The following PPP2R3C variants were observed in gnomAD, a reference collection of about 807,000 sequenced individuals.
PPP2R3C encodes protein phosphatase 2 regulatory subunit B''gamma.
PPP2R3C carries 47 observed loss-of-function variants against 63.7 expected under a neutral mutation model. The observed-to-expected ratio is 0.74, with a 90% CI of 0.58 to 0.94. The LOEUF is 0.94. PPP2R3C is among the 40% of genes least tolerant of loss of function. The pLI, the probability that PPP2R3C is intolerant of heterozygous loss-of-function variation, is 0.00. For missense variants in PPP2R3C, 421 were observed against 518.4 expected (o/e 0.81, Z 1.82); for synonymous variants, 180 against 177.4 (o/e 1.01, Z -0.12).
At chr14:35,121,797 G>C in intron 1 of PPP2R3C, 105 bp downstream of exon 1, 1 of 1,303,980 alleles carries the variant, frequency 7.7e-7, no homozygotes, top group South Asian at 1.2e-5. Context: ...AGGTTTCACA[G>C]AAGCGGAAAA....
chr14:35,088,474 C>T (rs138958215), intron 11 of PPP2R3C, among the ~76,000 whole-genome samples: 70 of 152,262 alleles, frequency 4.6e-4, no homozygotes, highest in Non-Finnish European at 8.7e-4. Flanking sequence ...AGGTAGACCT[C>T]CCAAAACTCT....
chr14:35,110,070 CT>C, intron 3 of PPP2R3C, 139 bp from the exon 4 acceptor site: 1 of 601,366 alleles, frequency 1.7e-6, no homozygotes. Flanking sequence ...CCCTATTATC[CT>C]TTTGATTACT....
At chr14:35,091,884 C>A (rs1224559250) in intron 10 of PPP2R3C, among the ~76,000 whole-genome samples, 2 of 151,814 alleles carry the variant, frequency 1.3e-5, no homozygotes, top group Non-Finnish European at 2.9e-5. Flanking sequence ...CTATGCCCAG[C>A]TAATTTTTAT....
At chr14:35,116,583 C>T (rs1466807699) in intron 2 of PPP2R3C, 27 bp downstream of exon 2, 5 of 1,534,240 alleles carry the variant, frequency 3.3e-6, no homozygotes, top group Non-Finnish European at 4.4e-6. Flanking sequence ...TTAAACTCTG[C>T]AGGACATTTG....
Position 35,095,110 on chromosome 14 carries a change from T to TA in PPP2R3C, c.912dup (p.Thr305TyrfsTer18). 6.2e-7 allele frequency: 1 copy of TA among 1,610,094 alleles called. No individual in the cohort carries two copies. Among genetic ancestry groups the TA allele is most frequent in the East Asian group, 2.2e-5 (1 of 44,876 alleles). On this transcript the variant is annotated frameshift_variant, in exon 10 of 13. Coordinates refer to ENST00000261475, the MANE Select transcript of PPP2R3C (RefSeq NM_017917.4). LOFTEE classifies it high-confidence loss of function. ...CGGTCTAAGAAGACATTGGTCATGG[T>TA]AGCTGTTCCATAGCGTGAGAGTTCT...
intron 10 of PPP2R3C, among the ~76,000 whole-genome samples, chr14:35,093,178 A>C (rs1328941482): frequency 6.6e-6 from 1 of 152,006 alleles, no homozygotes; most frequent in Non-Finnish European, 1.5e-5. Context: ...GCGCCACTGC[A>C]CTCCAGCCTG....
intron 10 of PPP2R3C, 93 bp downstream of exon 10, chr14:35,094,955 A>G: frequency 1.5e-6 from 2 of 1,345,834 alleles, no homozygotes; most frequent in Non-Finnish European, 2.0e-6. Context: ...CTCTGTCTCA[A>G]AAAAAAAAGG....
At chr14:35,092,863 T>A (rs1457761166) in intron 10 of PPP2R3C, among the ~76,000 whole-genome samples, 1 of 152,166 alleles carries the variant, frequency 6.6e-6, no homozygotes, top group African/African-American at 2.4e-5. Context: ...CCAGACATTT[T>A]ACAGTGAGCT....
At chr14:35,098,201 C>T (rs1442866495) in intron 7 of PPP2R3C, among the ~76,000 whole-genome samples, 3 of 137,860 alleles carry the variant, frequency 2.2e-5, no homozygotes, top group Admixed American at 7.6e-5. Flanking sequence ...TTTTTTTGGA[C>T]ACAAGGTCTG....
At chr14:35,099,475 C>A in intron 6 of PPP2R3C, 91 bp from the exon 7 acceptor site, 1 of 1,362,720 alleles carries the variant, frequency 7.3e-7, no homozygotes, top group Admixed American at 3.2e-5. Flanking sequence ...AGCATTAATA[C>A]TATATTGATA....
intron 10 of PPP2R3C, among the ~76,000 whole-genome samples, chr14:35,093,302 CACTT>C (rs2045889958): frequency 6.6e-6 from 1 of 151,920 alleles, no homozygotes; most frequent in Non-Finnish European, 1.5e-5. Context: ...GGGAGGTTCT[CACTT>C]AGATAAAAAT....
chr14:35,105,560 T>C (rs1284844415), intron 6 of PPP2R3C, among the ~76,000 whole-genome samples: 2 of 152,082 alleles, frequency 1.3e-5, no homozygotes, highest in East Asian at 3.8e-4. Context: ...TAAACATTTG[T>C]TTAGTAACAC....
chr14:35,092,657 G>C (rs1283491639), intron 10 of PPP2R3C, among the ~76,000 whole-genome samples: 2 of 151,926 alleles, frequency 1.3e-5, no homozygotes, highest in South Asian at 4.2e-4. Context: ...GTAGAGAAGC[G>C]GTTTCTCCAA....
At chr14:35,107,589 C>A (rs1317089099) in intron 5 of PPP2R3C, 6 of 514,992 alleles carry the variant, frequency 1.2e-5, no homozygotes, top group South Asian at 2.8e-5. Context: ...CTTGAAGATA[C>A]TGTTCTTTAC....
intron 6 of PPP2R3C, chr14:35,106,451 C>G (rs1017870178): frequency 1.3e-5 from 2 of 153,960 alleles, no homozygotes; most frequent in African/African-American, 4.8e-5. Context: ...AAGCGATTCT[C>G]CCACCTCAGC....
chr14:35,087,974 G>T lies in PPP2R3C; in HGVS notation c.1150C>A (p.Pro384Thr), dbSNP rs2045664014. 8 of 1,598,956 alleles carry T rather than the reference G, an allele frequency of 5.0e-6. No homozygotes were observed. The highest frequency in any genetic ancestry group is 6.9e-6 in the Non-Finnish European group (8 of 1,166,436). The part of the protein sequence containing the change: ...QELMKIHGQD[P>T]VSFQDVKDEI... Reference sequence around the variant, plus strand: ...ACCTTGACATCTTGAAATGAAACAGGATCTTGTCCATGGATTTTCATTAGT... The same window carrying T: ...ACCTTGACATCTTGAAATGAAACAGTATCTTGTCCATGGATTTTCATTAGT... The change falls in exon 12 of 13, where the codon CCT (proline) becomes ACT (threonine). Residue 384 changes from proline to threonine, a missense_variant. This residue lies in a region of PPP2R3C where 231 missense variants were observed against 264.8 expected (regional missense o/e 0.87). Coordinates refer to ENST00000261475, the MANE Select transcript of PPP2R3C (RefSeq NM_017917.4).
At chr14:35,112,097 G>GGA (rs900940980) in intron 2 of PPP2R3C, among the ~76,000 whole-genome samples, 3 of 152,160 alleles carry the variant, frequency 2.0e-5, no homozygotes, top group Non-Finnish European at 4.4e-5. Flanking sequence ...TCCAGTTTTA[G>GGA]GAAAGCATGC....
intron 1 of PPP2R3C, 151 bp downstream of exon 1, chr14:35,121,751 C>G: frequency 2.3e-6 from 2 of 853,188 alleles, no homozygotes; most frequent in Admixed American, 2.7e-5. Flanking sequence ...CTATCGGGAT[C>G]CTTAAACCAC....
intron 6 of PPP2R3C, among the ~76,000 whole-genome samples, chr14:35,104,237 G>C (rs2046279631): frequency 6.6e-6 from 1 of 152,196 alleles, no homozygotes; most frequent in Non-Finnish European, 1.5e-5. Context: ...AGAAGCAAGA[G>C]CCTTTTATTC....
Sources: gnomAD v4.1 joint callset for allele counts (sites outside exome capture counted in the v4.1 genomes callset) on GRCh38, gnomAD v4.1.1 for gene constraint, gnomAD v4.1.1 regional missense constraint, MANE v1.5 for transcripts, NCBI Gene and HGNC (gene_info 2026-07-23, HGNC 2026-07-21) for gene names.